The following ACBD6 variants were observed in gnomAD, a reference collection of about 807,000 sequenced individuals.
The protein encoded by ACBD6 is acyl-CoA binding domain containing 6, also known as acyl-CoA-binding domain-containing protein 6.
Under a neutral mutation model 37.2 loss-of-function variants are expected in ACBD6, and 28 were observed. The ratio of observed to expected loss-of-function variants is 0.75; its 90% CI spans 0.56 to 1.03. The LOEUF (loss-of-function observed/expected upper bound fraction) is 1.03. ACBD6 is among the 50% of genes least tolerant of loss of function. The pLI is 0.00. For missense variants in ACBD6, 340 were observed against 337.4 expected (o/e 1.01, Z -0.06); for synonymous variants, 113 against 126.8 (o/e 0.89, Z 0.73).
intron 6 of ACBD6, among the ~76,000 whole-genome samples, chr1:180,354,454 T>C (rs1406263926): frequency 2.0e-5 from 3 of 152,226 alleles, no homozygotes; most frequent in Non-Finnish European, 4.4e-5. Flanking sequence ...GACTAGGGGA[T>C]ATGGTAATTT....
intron 6 of ACBD6, among the ~76,000 whole-genome samples, chr1:180,342,615 T>C (rs1369626784): frequency 6.6e-6 from 1 of 152,096 alleles, no homozygotes; most frequent in Non-Finnish European, 1.5e-5. Flanking sequence ...CTTACTATTA[T>C]AATTATGATG....
chr1:180,353,638 T>G lies in ACBD6; in HGVS notation c.664-38916A>C, dbSNP rs914203502. ...GGAGAAATATATTTTAAAATTAAAA[T>G]TTTATTTAATTAGTGTTCCCATAAT... On this transcript the variant is annotated intron_variant, in intron 6 of 7. Transcript: ENST00000367595. Among the ~76,000 whole-genome samples, 19 of 151,876 alleles carry G rather than the reference T, an allele frequency of 1.3e-4. No individual in the cohort carries two copies. In the South Asian group the frequency reaches 3.9e-3, roughly 31 times the overall value.
chr1:180,367,126 G>A (rs78431477), intron 6 of ACBD6, among the ~76,000 whole-genome samples: 3,018 of 152,254 alleles, frequency 0.02, 104 homozygotes, highest in African/African-American at 0.068. Context: ...TAAAATGTTC[G>A]ATCTGTAAAT....
intron 3 of ACBD6, among the ~76,000 whole-genome samples, chr1:180,470,458 T>C (rs1388070990): frequency 3.9e-5 from 6 of 152,214 alleles, no homozygotes; most frequent in South Asian, 2.1e-4. Flanking sequence ...TATGGTGCTA[T>C]AGGAAAAAAG....
In ACBD6 at chr1:180,499,665, T is replaced by A. The variant is rs1267721858; in HGVS notation, c.222+2380A>T. ...ACTGCCCAGAGAATCATCAGACATATTACAGGTCCTAAAATATGATTCTCA... is the reference window on the plus strand; with the variant it reads ...ACTGCCCAGAGAATCATCAGACATAATACAGGTCCTAAAATATGATTCTCA... On this transcript the variant is annotated intron_variant, in intron 1 of 7. Transcript: ENST00000367595. Among the ~76,000 whole-genome samples the A allele has an allele frequency of 6.6e-5, 10 of 152,168 alleles. No individual in the cohort carries two copies. In the East Asian group the frequency reaches 1.9e-3, roughly 29 times the overall value.
intron 6 of ACBD6, among the ~76,000 whole-genome samples, chr1:180,374,008 A>G (rs1469590616): frequency 6.6e-6 from 1 of 152,208 alleles, no homozygotes; most frequent in East Asian, 1.9e-4. Flanking sequence ...GCAATGCAAA[A>G]TTAACACATA....
chr1:180,288,662 G>T, intron 7 of ACBD6, 145 bp from the exon 8 acceptor site: 2 of 1,034,622 alleles, frequency 1.9e-6, no homozygotes, highest in Non-Finnish European at 2.9e-6. Flanking sequence ...GTCAGGCCTG[G>T]TAATGAGAAC....
chr1:180,489,683 GT>G (rs1280693411), intron 3 of ACBD6, among the ~76,000 whole-genome samples: 1 of 150,092 alleles, frequency 6.7e-6, no homozygotes, highest in African/African-American at 2.5e-5. Flanking sequence ...TTGAGATGGA[GT>G]CTTGCTCTGT....
At chr1:180,341,918 G>A (rs1365354615) in intron 6 of ACBD6, among the ~76,000 whole-genome samples, 3 of 151,924 alleles carry the variant, frequency 2.0e-5, no homozygotes, top group South Asian at 2.1e-4. Context: ...TCATCAAACC[G>A]ACTAAAATCA....
chr1:180,443,686 C>T (rs1418050031), intron 3 of ACBD6, among the ~76,000 whole-genome samples: 2 of 152,080 alleles, frequency 1.3e-5, no homozygotes, highest in African/African-American at 4.8e-5. Context: ...AATCTTGGCT[C>T]CCTGCAAGCT....
At chr1:180,292,913 T>TTTG (rs142312733) in intron 7 of ACBD6, among the ~76,000 whole-genome samples, 17 of 152,126 alleles carry the variant, frequency 1.1e-4, no homozygotes, top group Admixed American at 2.0e-4. Flanking sequence ...GTTGTGAGTT[T>TTTG]TTGTTGTTGT....
intron 3 of ACBD6, 129 bp from the exon 4 acceptor site, chr1:180,430,391 C>A: frequency 1.3e-6 from 1 of 775,602 alleles, no homozygotes. Flanking sequence ...TCTTCAAACC[C>A]TAGTAAAACT....
At position 180,306,481 on chromosome 1, in the gene ACBD6, A is replaced by G. The variant is rs1025436767; in HGVS notation, c.694+8211T>C. On this transcript the variant is annotated intron_variant, in intron 7 of 7. Coordinates refer to ENST00000367595, the MANE Select transcript of ACBD6 (RefSeq NM_032360.4). ...TAGTTGCCTGCTACCTCCTTACTTC[A>G]CCCAAGGTAATCATTATCCCCTTTA... 2.0e-5 allele frequency among the ~76,000 whole-genome samples: 3 copies of G among 152,014 alleles called. No individual in the cohort carries two copies. The South Asian group carries it at 6.2e-4, about 32-fold the overall frequency.
intron 1 of ACBD6, among the ~76,000 whole-genome samples, chr1:180,500,002 C>T (rs975403903): frequency 2.0e-5 from 3 of 151,936 alleles, no homozygotes; most frequent in Admixed American, 6.6e-5. Flanking sequence ...AATAACAGTA[C>T]TTCAGGAGGC....
chr1:180,459,337 C>T (rs1187330157), intron 3 of ACBD6, among the ~76,000 whole-genome samples: 2 of 152,092 alleles, frequency 1.3e-5, no homozygotes, highest in South Asian at 2.1e-4. Flanking sequence ...ATATCTGACC[C>T]GTTTGTTAAA....
chr1:180,399,839 CATTTTTAGTTCTA>C (rs1349773674), intron 5 of ACBD6, among the ~76,000 whole-genome samples: 1 of 152,136 alleles, frequency 6.6e-6, no homozygotes, highest in Non-Finnish European at 1.5e-5. Context: ...CAAAGTCTAT[CATTTTTAGTTCTA>C]ATTGTAAGTG....
downstream of ACBD6, among the ~76,000 whole-genome samples, chr1:180,288,076 T>C (rs1274962431): frequency 1.3e-5 from 2 of 152,214 alleles, no homozygotes; most frequent in Non-Finnish European, 2.9e-5. Context: ...TGAAATATGA[T>C]CTGTCTCCTC....
intron 6 of ACBD6, among the ~76,000 whole-genome samples, chr1:180,332,040 C>T (rs1157695776): frequency 2.0e-5 from 3 of 152,190 alleles, no homozygotes; most frequent in Non-Finnish European, 4.4e-5. Flanking sequence ...TTGTACCTCA[C>T]AATGGGTACC....
chr1:180,454,251 C>A (rs1649825764), intron 3 of ACBD6, among the ~76,000 whole-genome samples: 1 of 152,072 alleles, frequency 6.6e-6, no homozygotes, highest in Non-Finnish European at 1.5e-5. Context: ...CTTTGACAAA[C>A]CTGACAAAAA....
Sources: allele counts gnomAD v4.1 joint callset (sites outside exome capture counted in the v4.1 genomes callset), GRCh38; gene constraint gnomAD v4.1.1; transcripts MANE v1.5; gene names NCBI Gene and HGNC (gene_info 2026-07-23, HGNC 2026-07-21).